ATF2: variants seen among roughly 807,000 people sequenced by gnomAD.
The protein encoded by ATF2 is cyclic AMP-dependent transcription factor ATF-2.
A neutral mutation model predicts 60.6 loss-of-function variants in ATF2; 24 were observed. The observed-to-expected ratio is 0.40, with a 90% CI of 0.29 to 0.56. The LOEUF is 0.56. Among genes scored for constraint, ATF2 ranks in the 20% least tolerant of loss-of-function variants. The probability of loss-of-function intolerance (pLI) is 0.54; values close to 1 mark genes in which losing one functional copy is unlikely to be tolerated. For missense variants in ATF2, 433 were observed against 607.7 expected, an observed-to-expected ratio of 0.71 and a Z score of 3.02; for synonymous variants, 206 against 215.4, an observed-to-expected ratio of 0.96 and a Z score of 0.38.
chr2:175,096,519 G>C (rs1277731298), intron 11 of ATF2, among the ~76,000 whole-genome samples: 2 of 152,148 alleles, frequency 1.3e-5, no homozygotes, highest in Non-Finnish European at 2.9e-5. Flanking sequence ...ATAACAAAGA[G>C]TAATGTTTTA....
At chr2:175,098,551 C>A (rs1038112823) in intron 10 of ATF2, among the ~76,000 whole-genome samples, 1 of 152,096 alleles carries the variant, frequency 6.6e-6, no homozygotes, top group East Asian at 1.9e-4. Flanking sequence ...AACTGAGAGA[C>A]AAAAGAGAGA....
intron 3 of ATF2, among the ~76,000 whole-genome samples, chr2:175,133,415 G>C (rs1697889118): frequency 6.6e-6 from 1 of 152,046 alleles, no homozygotes; most frequent in South Asian, 2.1e-4. Context: ...TTCAATAATT[G>C]GTTCTAGAAA....
intron 1 of ATF2, among the ~76,000 whole-genome samples, chr2:175,165,447 A>G (rs1255167915): frequency 2.0e-5 from 3 of 152,250 alleles, no homozygotes; most frequent in Admixed American, 6.5e-5. Context: ...ACGATCTAAC[A>G]ATTTACCAGA....
intron 7 of ATF2, among the ~76,000 whole-genome samples, chr2:175,117,587 C>T (rs1696667924): frequency 6.6e-6 from 1 of 151,944 alleles, no homozygotes; most frequent in Non-Finnish European, 1.5e-5. Context: ...TAACAAAGAT[C>T]CACTGCTGAG....
chr2:175,128,633 G>C (rs1360407469), intron 4 of ATF2, among the ~76,000 whole-genome samples: 1 of 151,978 alleles, frequency 6.6e-6, no homozygotes, highest in Non-Finnish European at 1.5e-5. Context: ...ATAATCTAAA[G>C]GCAAGCAAAA....
At position 175,114,102 on chromosome 2, in the gene ATF2, T is replaced by C; in HGVS notation, c.633A>G (p.Val211=). 1 of 1,595,092 alleles carries C rather than the reference T, an allele frequency of 6.3e-7. No homozygotes were observed. The highest frequency in any genetic ancestry group is 1.1e-5 in the South Asian group (1 of 87,052). ...APSSNRPIVP[V]PGPFPLLLHL... ...GTAACAGAAGAGGAAATGGGCCTGGTACAGGGCTAAGAAAAACAAAAGAAG... is the reference window on the plus strand; with the variant it reads ...GTAACAGAAGAGGAAATGGGCCTGGCACAGGGCTAAGAAAAACAAAAGAAG... Residue 211 remains valine (V), a synonymous_variant, in exon 9 of 14, where the codon GTA becomes GTG. Coordinates refer to ENST00000264110, the MANE Select transcript of ATF2 (RefSeq NM_001880.4).
At chr2:175,154,145 C>T (rs867908909) in intron 1 of ATF2, among the ~76,000 whole-genome samples, 22 of 150,568 alleles carry the variant, frequency 1.5e-4, no homozygotes, top group African/African-American at 5.4e-4. Flanking sequence ...ACCTGGGAGG[C>T]GGCGGTTGCA....
chr2:175,158,720 T>G (rs1237484105), intron 1 of ATF2, among the ~76,000 whole-genome samples: 1 of 152,020 alleles, frequency 6.6e-6, no homozygotes, highest in African/African-American at 2.4e-5. Flanking sequence ...CCCAAAGTGC[T>G]GGGATTGTAG....
intron 11 of ATF2, among the ~76,000 whole-genome samples, chr2:175,095,098 CTTT>C: frequency 6.6e-6 from 1 of 151,256 alleles, no homozygotes; most frequent in African/African-American, 2.4e-5. Flanking sequence ...TCCTATTTTT[CTTT>C]TTCTTTTTTT....
At chr2:175,150,133 G>T (rs1699209961) in intron 2 of ATF2, among the ~76,000 whole-genome samples, 1 of 152,064 alleles carries the variant, frequency 6.6e-6, no homozygotes, top group East Asian at 1.9e-4. Context: ...ATTATCAAGT[G>T]TTATCACCCA....
chr2:175,093,357 CT>C, intron 11 of ATF2, 90 bp from the exon 12 acceptor site: 1 of 1,290,354 alleles, frequency 7.7e-7, no homozygotes, highest in Non-Finnish European at 1.1e-6. Flanking sequence ...GGGAGAGCAA[CT>C]GTATTTTCTA....
chr2:175,123,135 C>G (rs1389128007), intron 4 of ATF2, among the ~76,000 whole-genome samples: 1 of 152,034 alleles, frequency 6.6e-6, no homozygotes, highest in Non-Finnish European at 1.5e-5. Flanking sequence ...CAGGTACTGT[C>G]TTCCTATTAC....
rs906349853 is a variant in ATF2 at position 175,098,347 on chromosome 2, A to C, written c.829-754T>G. Among the ~76,000 whole-genome samples, 18 of 152,338 alleles carry C rather than the reference A, an allele frequency of 1.2e-4. 1 individual carries two copies. Among genetic ancestry groups the C allele is most frequent in the African/African-American group, 4.3e-4 (18 of 41,586 alleles). ...CCACAGTATCTCAGCAATGAAAGGG[A>C]CTTCAGGGATCCAACAGACCTGAGA... On this transcript the variant is annotated intron_variant, in intron 10 of 13. Transcript: ENST00000264110.
At chr2:175,108,498 C>T (rs1359012933) in intron 10 of ATF2, among the ~76,000 whole-genome samples, 5 of 148,950 alleles carry the variant, frequency 3.4e-5, no homozygotes, top group Non-Finnish European at 5.9e-5. Context: ...CCGCCCCTTC[C>T]GGGAGGGAGG....
chr2:175,136,403 C>T lies in ATF2; in HGVS notation c.32+9G>A. ...AAATGGCTAAAAATACCAAATATTG[C>T]ACACATACCTGGCAGAATTCACATG... is the stretch of plus-strand genomic sequence containing the variant. On this transcript the variant is annotated intron_variant, in intron 3 of 13. Coordinates refer to ENST00000264110, the MANE Select transcript of ATF2 (RefSeq NM_001880.4). 6.2e-7 allele frequency: 1 copy of T among 1,608,806 alleles called. No individual in the cohort carries two copies. The highest frequency in any genetic ancestry group is 2.2e-5 in the East Asian group (1 of 44,640).
intron 10 of ATF2, among the ~76,000 whole-genome samples, chr2:175,109,574 T>C (rs1696027074): frequency 6.6e-6 from 1 of 152,218 alleles, no homozygotes. Flanking sequence ...CCTACTCTTG[T>C]AAATAAAGGT....
At chr2:175,127,016 G>C (rs1346309964) in intron 4 of ATF2, 1 of 152,068 alleles carries the variant, frequency 6.6e-6, no homozygotes, top group Non-Finnish European at 1.5e-5. Context: ...CAGATGGCTT[G>C]AGCCCAGGAG....
At position 175,125,722 on chromosome 2, in the gene ATF2, A is replaced by T. The variant is rs76133755; in HGVS notation, c.103-4182T>A. On this transcript the variant is annotated intron_variant, in intron 4 of 13. Coordinates refer to ENST00000264110, the MANE Select transcript of ATF2 (RefSeq NM_001880.4). ...AATCAGACATGCTCAAGCAATAGTG[A>T]CTTAAAGCCATGCTTTCGATTAATA... 3.3e-5 allele frequency among the ~76,000 whole-genome samples: 5 copies of T among 152,288 alleles called. No homozygotes were observed. The East Asian group carries it at 9.6e-4, about 29-fold the overall frequency.
chr2:175,114,366 C>T, intron 8 of ATF2: 2 of 1,258,614 alleles, frequency 1.6e-6, no homozygotes, highest in Non-Finnish European at 2.0e-6. Context: ...AAACTGTCAT[C>T]AGAGAGCTCT....
Sources: allele counts gnomAD v4.1 joint callset (sites outside exome capture counted in the v4.1 genomes callset), GRCh38; gene constraint gnomAD v4.1.1; transcripts MANE v1.5; gene names NCBI Gene and HGNC (gene_info 2026-07-23, HGNC 2026-07-21).